DENND4C: variants seen among roughly 807,000 people sequenced by gnomAD.
DENND4C encodes DENN domain containing 4C.
A neutral mutation model predicts 203.0 loss-of-function variants in DENND4C; 108 were observed. That is an observed-to-expected ratio of 0.53 (90% CI 0.46 to 0.62). The LOEUF (loss-of-function observed/expected upper bound fraction) is 0.62. DENND4C is among the 20% of genes least tolerant of loss of function. The pLI is 0.00. For synonymous variants in DENND4C, 871 were observed against 792.4 expected (o/e 1.10, Z -1.67); for missense variants, 2,481 against 2,301.2 (o/e 1.08, Z -1.60).
intron 1 of DENND4C, among the ~76,000 whole-genome samples, chr9:19,242,746 C>G (rs1053785193): frequency 1.3e-5 from 2 of 151,922 alleles, no homozygotes; most frequent in Non-Finnish European, 2.9e-5. Flanking sequence ...ACCTCTGCCT[C>G]CTGGGTTGAA....
chr9:19,238,464 C>A (rs1822624452), intron 1 of DENND4C, among the ~76,000 whole-genome samples: 1 of 52,348 alleles, frequency 1.9e-5, no homozygotes, highest in Non-Finnish European at 3.8e-5. Flanking sequence ...CTCCCCTCCC[C>A]TCCCTCTCCC....
At chr9:19,341,794 A>G (rs527941275) in intron 21 of DENND4C, among the ~76,000 whole-genome samples, 4 of 152,300 alleles carry the variant, frequency 2.6e-5, no homozygotes, top group African/African-American at 4.8e-5. Context: ...CAGTCCTTCA[A>G]ATATCTAGGT....
chr9:19,243,678 A>AT (rs1185325921), intron 1 of DENND4C, among the ~76,000 whole-genome samples: 4 of 152,116 alleles, frequency 2.6e-5, no homozygotes, highest in African/African-American at 9.7e-5. Context: ...GTAGTACTTC[A>AT]TTCCTTTTTA....
intron 26 of DENND4C, among the ~76,000 whole-genome samples, chr9:19,355,805 G>C (rs561719430): frequency 2.1e-4 from 32 of 152,170 alleles, no homozygotes; most frequent in African/African-American, 6.5e-4. Flanking sequence ...TTTTCTTTGA[G>C]ATTTATAGAT....
chr9:19,341,155 C>A, intron 21 of DENND4C, 41 bp downstream of exon 21: 4 of 1,442,726 alleles, frequency 2.8e-6, no homozygotes, highest in Non-Finnish European at 3.8e-6. Context: ...AGAATAATAC[C>A]TGTATTATTA....
In DENND4C at chr9:19,350,897, C is replaced by T. The variant is rs1029574494; in HGVS notation, c.4495+18C>T. The stretch of plus-strand genomic sequence containing the variant: ...TCCAACAGGTATGGGGAAGGATTAT[C>T]CTTTCTTCATTTGCTTTATAATAGT... On this transcript the variant is annotated intron_variant, in intron 24 of 32. Coordinates refer to ENST00000434457, the MANE Select transcript of DENND4C (RefSeq NM_001330640.2). The T allele has an allele frequency of 7.6e-6, 12 of 1,576,642 alleles. No individual in the cohort carries two copies. In the Admixed American group the frequency reaches 1.1e-4, roughly 15 times the overall value.
chr9:19,363,958 G>A (rs1320884990), intron 30 of DENND4C, among the ~76,000 whole-genome samples: 1 of 152,034 alleles, frequency 6.6e-6, no homozygotes. Context: ...AGGTTGCAAT[G>A]AGCCGAGATT....
intron 16 of DENND4C, among the ~76,000 whole-genome samples, chr9:19,328,631 G>GTGTCTGTCTGTCTGTC (rs200869394): frequency 6.9e-6 from 1 of 145,626 alleles, no homozygotes; most frequent in African/African-American, 2.5e-5. Flanking sequence ...GTCTATATAT[G>GTGTCTGTCTGTCTGTC]TGTCTGTCTG....
chr9:19,357,375 G>T, intron 27 of DENND4C: 1 of 489,572 alleles, frequency 2.0e-6, no homozygotes, highest in Non-Finnish European at 3.6e-6. Flanking sequence ...TTTACAAAAT[G>T]AACTTCTCAA....
At chr9:19,293,718 C>T (rs1419090939) in intron 5 of DENND4C, among the ~76,000 whole-genome samples, 1 of 152,134 alleles carries the variant, frequency 6.6e-6, no homozygotes. Flanking sequence ...CCTGGTAGCT[C>T]TGTATTGTTG....
At chr9:19,343,741 G>A (rs1822191757) in intron 22 of DENND4C, among the ~76,000 whole-genome samples, 1 of 152,226 alleles carries the variant, frequency 6.6e-6, no homozygotes, top group African/African-American at 2.4e-5. Flanking sequence ...CTTCGTCAGA[G>A]GCTTAGAATC....
intron 1 of DENND4C, among the ~76,000 whole-genome samples, chr9:19,235,688 G>A (rs531897527): frequency 1.4e-5 from 2 of 139,724 alleles, no homozygotes; most frequent in South Asian, 2.4e-4. Context: ...TCAGCTCACT[G>A]CAAGCTCCTC....
At chr9:19,245,390 C>T (rs1824913659) in intron 1 of DENND4C, among the ~76,000 whole-genome samples, 1 of 150,764 alleles carries the variant, frequency 6.6e-6, no homozygotes. Flanking sequence ...TGGTGTGAAC[C>T]CGGGAGGCGG....
chr9:19,340,525 C>T (rs1044129187), intron 20 of DENND4C, among the ~76,000 whole-genome samples: 2 of 151,966 alleles, frequency 1.3e-5, no homozygotes, highest in Non-Finnish European at 2.9e-5. Context: ...AAAGCAATAC[C>T]ATAAGCCATA....
chr9:19,319,383 T>TATATATATACATATATATATACAC lies in DENND4C; in HGVS notation c.1807+2546_1807+2569dup. Among the ~76,000 whole-genome samples, 2 of 133,350 alleles carry TATATATATACATATATATATACAC rather than the reference T, an allele frequency of 1.5e-5. 1 individual carries two copies. Among genetic ancestry groups the TATATATATACATATATATATACAC allele is most frequent in the Admixed American group, 1.5e-4 (2 of 13,468 alleles). 87.5% of individuals were successfully genotyped at this position (133,350 alleles called of 152,430 possible). Reference sequence around the variant, plus strand: ...ATACACACATATATATACACATACATATATATATACATATATATATACACA... The same window carrying TATATATATACATATATATATACAC: ...ATACACACATATATATACACATACATATATATATACATATATATATACACATATATATACATATATATATACACA... On this transcript the variant is annotated intron_variant, in intron 12 of 32. Coordinates refer to ENST00000434457, the MANE Select transcript of DENND4C (RefSeq NM_001330640.2).
At chr9:19,354,859 T>C (rs1317947655) in intron 26 of DENND4C, among the ~76,000 whole-genome samples, 1 of 151,668 alleles carries the variant, frequency 6.6e-6, no homozygotes, top group Non-Finnish European at 1.5e-5. Context: ...TCTAGCATTT[T>C]CTATGAATTG....
At chr9:19,276,662 A>C (rs1832950527) in intron 2 of DENND4C, 183 bp downstream of exon 2, 2 of 396,852 alleles carry the variant, frequency 5.0e-6, no homozygotes, top group Non-Finnish European at 8.7e-6. Context: ...ACCCTTACTG[A>C]ATTTCTTTGC....
chr9:19,238,017 G>C (rs1178774387), intron 1 of DENND4C, among the ~76,000 whole-genome samples: 1 of 151,892 alleles, frequency 6.6e-6, no homozygotes, highest in African/African-American at 2.4e-5. Flanking sequence ...GGTGTCAGGA[G>C]AGCTGTGCTC....
intron 12 of DENND4C, among the ~76,000 whole-genome samples, chr9:19,317,134 G>A (rs1009214091): frequency 2.7e-5 from 4 of 150,038 alleles, no homozygotes; most frequent in African/African-American, 9.8e-5. Flanking sequence ...CTGGAGATTT[G>A]CCTTCAGGTA....
Sources: allele counts gnomAD v4.1 joint callset (sites outside exome capture counted in the v4.1 genomes callset), GRCh38; gene constraint gnomAD v4.1.1; transcripts MANE v1.5; gene names NCBI Gene and HGNC (gene_info 2026-07-23, HGNC 2026-07-21).